The following MIGA1 variants were observed in gnomAD, a reference collection of about 807,000 sequenced individuals.
MIGA1 encodes the protein mitoguardin 1.
A neutral mutation model predicts 82.0 loss-of-function variants in MIGA1; 58 were observed. The observed-to-expected ratio is 0.71, with a 90% CI of 0.57 to 0.88. The LOEUF (loss-of-function observed/expected upper bound fraction) is 0.88, where lower values mean the gene tolerates loss of function less well. Ranked by LOEUF, MIGA1 falls within the 40% of genes least tolerant of loss-of-function variation. The pLI is 0.00. For synonymous variants in MIGA1, 249 were observed against 253.6 expected, an observed-to-expected ratio of 0.98 and a Z score of 0.17; for missense variants, 751 against 749.1, an observed-to-expected ratio of 1.00 and a Z score of -0.03.
At chr1:77,821,242 A>G (rs1003400276) in intron 7 of MIGA1, among the ~76,000 whole-genome samples, 1 of 151,902 alleles carries the variant, frequency 6.6e-6, no homozygotes, top group South Asian at 2.1e-4. Context: ...GTTCTTTGTT[A>G]TTGTTAGTTT....
intron 7 of MIGA1, among the ~76,000 whole-genome samples, chr1:77,837,906 A>G (rs1684489997): frequency 6.6e-6 from 1 of 152,246 alleles, no homozygotes; most frequent in Non-Finnish European, 1.5e-5. Context: ...TTTAACACTC[A>G]TCAAGTCTTT....
At chr1:77,815,305 G>A in intron 7 of MIGA1, 74 bp downstream of exon 7, 1 of 1,251,944 alleles carries the variant, frequency 8.0e-7, no homozygotes, top group Non-Finnish European at 1.1e-6. Flanking sequence ...ATCTGCATAA[G>A]TGTCTGTCTT....
intron 8 of MIGA1, among the ~76,000 whole-genome samples, chr1:77,852,474 T>A (rs979460312): frequency 1.3e-5 from 2 of 152,144 alleles, no homozygotes; most frequent in Non-Finnish European, 2.9e-5. Flanking sequence ...TTTTTGCATC[T>A]GGCCTAATGG....
intron 7 of MIGA1, among the ~76,000 whole-genome samples, chr1:77,819,093 A>G (rs1570956784): frequency 1.3e-5 from 2 of 151,908 alleles, no homozygotes; most frequent in East Asian, 1.9e-4. Flanking sequence ...AAAAAAAAAA[A>G]AAAAGAAAAA....
At chr1:77,828,092 G>A (rs1684100556) in intron 7 of MIGA1, among the ~76,000 whole-genome samples, 1 of 151,906 alleles carries the variant, frequency 6.6e-6, no homozygotes, top group African/African-American at 2.4e-5. Context: ...AGGTGGGTGG[G>A]GAGGTTTAAT....
At chr1:77,862,234 G>T (rs995770776) in intron 12 of MIGA1, 4 of 143,400 alleles carry the variant, frequency 2.8e-5, no homozygotes, top group African/African-American at 1.0e-4. Context: ...ATCACCTGAG[G>T]TCAGGAGTTC....
At chr1:77,827,162 C>T (rs956188781) in intron 7 of MIGA1, among the ~76,000 whole-genome samples, 15 of 151,996 alleles carry the variant, frequency 9.9e-5, no homozygotes, top group Admixed American at 6.6e-5. Flanking sequence ...AGCTGGAGTG[C>T]AGTGGCACGA....
chr1:77,878,521 T>C lies in MIGA1; in HGVS notation c.*3457T>C, dbSNP rs1304221309. 4.2e-6 allele frequency: 1 copy of C among 235,908 alleles called. No individual in the cohort carries two copies. The highest frequency in any genetic ancestry group is 2.2e-5 in the African/African-American group (1 of 45,174). 14.6% of individuals were successfully genotyped at this position (235,908 alleles called of 1,614,324 possible). A position where few individuals can be genotyped will look rare whatever the true frequency, so the allele number is the denominator to read the frequency against. ...TTAGAGCCTTTTAGGGTAAACCCTGTTTAAACACTTAATCATGGAATTGCC... is the reference window on the plus strand; with the variant it reads ...TTAGAGCCTTTTAGGGTAAACCCTGCTTAAACACTTAATCATGGAATTGCC... On this transcript the variant is annotated 3_prime_UTR_variant, in exon 16 of 16. Coordinates refer to ENST00000370791, the MANE Select transcript of MIGA1 (RefSeq NM_198549.4).
intron 11 of MIGA1, 126 bp from the exon 12 acceptor site, chr1:77,861,098 C>CT (rs1198292674): frequency 4.9e-6 from 3 of 613,006 alleles, no homozygotes; most frequent in Admixed American, 6.8e-5. Context: ...TTTGGCATAC[C>CT]TTTAAAATGT....
rs1380914657 is a variant in MIGA1, at chr1:77,843,385, A to G, written c.974A>G (p.Asp325Gly). 1.9e-6 allele frequency: 3 copies of G among 1,613,910 alleles called. No individual in the cohort carries two copies. In the Admixed American group the frequency reaches 5.0e-5, roughly 27 times the overall value. Residue 325 changes from aspartate to glycine, a missense_variant, in exon 8 of 16, where the codon GAT (aspartate) becomes GGT (glycine). Physicochemically the swap from Asp to Gly is moderately conservative, Grantham distance 94. Transcript: ENST00000370791. ...GACACCTTGAGCATCGCATCCACGG[A>G]TTCCTTTGCTTCCGCAGCAGAGGTA...
At position 77,878,873 on chromosome 1, in the gene MIGA1, T is replaced by C. The variant is rs1231164525; in HGVS notation, c.*3809T>C. 2.8e-6 allele frequency: 1 copy of C among 361,728 alleles called. No individual in the cohort carries two copies. Among genetic ancestry groups the C allele is most frequent in the Non-Finnish European group, 5.0e-6 (1 of 201,156 alleles). 22.4% of individuals were successfully genotyped at this position (361,728 alleles called of 1,614,324 possible). On this transcript the variant is annotated 3_prime_UTR_variant, in exon 16 of 16. Transcript: ENST00000370791. ...TTGTCTTTCTCATAAAGTAATATTCTTTATTTGCATCCATTTACTATGATT... is the reference window on the plus strand; with the variant it reads ...TTGTCTTTCTCATAAAGTAATATTCCTTATTTGCATCCATTTACTATGATT...
intron 2 of MIGA1, among the ~76,000 whole-genome samples, chr1:77,799,676 C>T (rs1384318859): frequency 1.2e-4 from 18 of 148,696 alleles, no homozygotes; most frequent in African/African-American, 4.4e-4. Context: ...TTTTTTTTTC[C>T]GAGTGAGTTT....
At chr1:77,786,202 G>C (rs1394434473) in intron 2 of MIGA1, among the ~76,000 whole-genome samples, 2 of 152,198 alleles carry the variant, frequency 1.3e-5, no homozygotes, top group African/African-American at 4.8e-5. Context: ...AGAGTGGCTG[G>C]GATGCAGGGC....
In MIGA1 at chr1:77,779,742, G is replaced by C. The variant is rs1232076790; in HGVS notation, c.81+6G>C. On this transcript the variant is annotated splice_donor_region_variant and intron_variant, in intron 1 of 15. Coordinates refer to ENST00000370791, the MANE Select transcript of MIGA1 (RefSeq NM_198549.4). ...TACCTGGCCTGGAGCTCCAGGTACAGGGCCAGGGGCGGGGTGGGGTGGAGA... is the reference window on the plus strand; with the variant it reads ...TACCTGGCCTGGAGCTCCAGGTACACGGCCAGGGGCGGGGTGGGGTGGAGA... The C allele has an allele frequency of 6.4e-7, 1 of 1,561,774 alleles. No homozygotes were observed. Among genetic ancestry groups the C allele is most frequent in the Non-Finnish European group, 8.7e-7 (1 of 1,153,228 alleles).
At chr1:77,849,382 G>A (rs1227572542) in intron 8 of MIGA1, among the ~76,000 whole-genome samples, 1 of 152,050 alleles carries the variant, frequency 6.6e-6, no homozygotes, top group African/African-American at 2.4e-5. Flanking sequence ...GGGCGACAGC[G>A]GGACCCTGTC....
intron 4 of MIGA1, among the ~76,000 whole-genome samples, chr1:77,804,945 A>G (rs1312958482): frequency 6.7e-6 from 1 of 149,118 alleles, no homozygotes; most frequent in Non-Finnish European, 1.5e-5. Flanking sequence ...TTTTTTCTTC[A>G]TAGTTTATAG....
At chr1:77,844,238 AAAC>A (rs1372830500) in intron 8 of MIGA1, among the ~76,000 whole-genome samples, 2 of 150,438 alleles carry the variant, frequency 1.3e-5, no homozygotes, top group Non-Finnish European at 3.0e-5. Context: ...GAAAAACTGA[AAAC>A]AACCTAATGC....
In MIGA1 at chr1:77,812,692, T is replaced by G. The variant is rs141176292; in HGVS notation, c.638-1042T>G. On this transcript the variant is annotated intron_variant, in intron 5 of 15. Coordinates refer to ENST00000370791, the MANE Select transcript of MIGA1 (RefSeq NM_198549.4). ...AGTTTTAAACTATTTTTGTTTTGTT[T>G]GAAGTGCATAGTTATTTTTGTAAGC... Among the ~76,000 whole-genome samples, 424 of 152,330 alleles carry G rather than the reference T, an allele frequency of 2.8e-3. 1 individual carries two copies. Among genetic ancestry groups the G allele is most frequent in the Non-Finnish European group, 5.1e-3 (349 of 68,026 alleles).
At chr1:77,844,114 AT>A (rs71075767) in intron 8 of MIGA1, among the ~76,000 whole-genome samples, 30,431 of 77,900 alleles carry the variant, frequency 0.39, 5,447 homozygotes, top group Non-Finnish European at 0.5. Flanking sequence ...AAAAAAAAAA[AT>A]ATATATATAT....
Sources: allele counts gnomAD v4.1 joint callset (sites outside exome capture counted in the v4.1 genomes callset), GRCh38; gene constraint gnomAD v4.1.1; transcripts MANE v1.5; gene names NCBI Gene and HGNC (gene_info 2026-07-23, HGNC 2026-07-21).